Variants in COL21A1 observed in about 807,000 individuals in gnomAD.
COL21A1 encodes collagen type XXI alpha 1 chain.
COL21A1 carries 149 observed loss-of-function variants against 137.9 expected under a neutral mutation model. The ratio of observed to expected loss-of-function variants is 1.08; its 90% CI spans 0.95 to 1.24. The LOEUF is 1.24. Ranked by LOEUF, COL21A1 falls within the 50% of genes most tolerant of loss-of-function variation. The pLI, the probability that COL21A1 is intolerant of heterozygous loss-of-function variation, is 0.00. For missense variants in COL21A1, 1,167 were observed against 1,158.4 expected (o/e 1.01, Z -0.11); for synonymous variants, 456 against 391.5 (o/e 1.16, Z -1.95).
intron 1 of COL21A1, among the ~76,000 whole-genome samples, chr6:56,207,276 A>AATAG (rs1779856906): frequency 6.6e-6 from 1 of 151,616 alleles, no homozygotes; most frequent in East Asian, 1.9e-4. Flanking sequence ...AGATCCACAA[A>AATAG]ATAGACAGCT....
chr6:56,100,954 G>C (rs1350090778), intron 17 of COL21A1, among the ~76,000 whole-genome samples: 3 of 152,144 alleles, frequency 2.0e-5, no homozygotes, highest in Non-Finnish European at 4.4e-5. Context: ...AGATCTGCTG[G>C]TATTTAAATG....
chr6:56,068,949 T>A (rs1766497261), intron 22 of COL21A1, 97 bp downstream of exon 22: 16 of 752,538 alleles, frequency 2.1e-5, no homozygotes, highest in Non-Finnish European at 3.6e-5. Context: ...ATTAAAAATA[T>A]ATTAATAACA....
chr6:56,182,688 T>C, intron 1 of COL21A1, 32 bp from the exon 2 acceptor site: 5 of 941,326 alleles, frequency 5.3e-6, no homozygotes, highest in South Asian at 4.4e-5. Flanking sequence ...GTTAAATATA[T>C]TAATTAAAGT....
intron 1 of COL21A1, among the ~76,000 whole-genome samples, chr6:56,195,510 G>GA (rs538987210): frequency 3.9e-4 from 58 of 150,594 alleles, no homozygotes; most frequent in African/African-American, 1.1e-3. Flanking sequence ...AGAATACTAA[G>GA]AAAAAAAAGA....
At chr6:56,285,670 T>C (rs1763893996) in intron 1 of COL21A1, among the ~76,000 whole-genome samples, 1 of 152,180 alleles carries the variant, frequency 6.6e-6, no homozygotes, top group African/African-American at 2.4e-5. Flanking sequence ...AATGTAATAC[T>C]TAACTGAAAA....
At chr6:56,342,137 T>C (rs931704019) in intron 1 of COL21A1, among the ~76,000 whole-genome samples, 1 of 152,178 alleles carries the variant, frequency 6.6e-6, no homozygotes, top group African/African-American at 2.4e-5. Context: ...ACATTGTAAT[T>C]TGTGGTTCTA....
chr6:56,391,185 A>G (rs1345392011), intron 1 of COL21A1, among the ~76,000 whole-genome samples: 1 of 152,168 alleles, frequency 6.6e-6, no homozygotes, highest in African/African-American at 2.4e-5. Flanking sequence ...AACTATACCA[A>G]CACATGGAAA....
chr6:56,204,059 C>A (rs932420305), intron 1 of COL21A1, among the ~76,000 whole-genome samples: 2 of 152,142 alleles, frequency 1.3e-5, no homozygotes. Flanking sequence ...GCAGATACCC[C>A]ACTAGCTGTG....
chr6:56,244,569 C>T (rs1402294254), intron 1 of COL21A1, among the ~76,000 whole-genome samples: 3 of 152,200 alleles, frequency 2.0e-5, no homozygotes, highest in African/African-American at 7.2e-5. Context: ...ATTTTAATAA[C>T]ATTAAATTAT....
intron 1 of COL21A1, among the ~76,000 whole-genome samples, chr6:56,377,962 C>T (rs549943499): frequency 4.6e-5 from 7 of 152,268 alleles, no homozygotes; most frequent in Non-Finnish European, 8.8e-5. Context: ...CCTAGATACA[C>T]ACTGGGCCAG....
At chr6:56,311,155 T>C (rs1323970873) in intron 1 of COL21A1, among the ~76,000 whole-genome samples, 1 of 152,234 alleles carries the variant, frequency 6.6e-6, no homozygotes, top group Non-Finnish European at 1.5e-5. Context: ...TTCTACAGAA[T>C]ACAATGACCC....
Position 56,384,627 on chromosome 6 carries a change from T to C in COL21A1, c.-39+9344A>G, listed in dbSNP as rs1368601527. Among the ~76,000 whole-genome samples, 3 of 152,212 alleles carry C rather than the reference T, an allele frequency of 2.0e-5. No individual in the cohort carries two copies. In the East Asian group the frequency reaches 5.8e-4, roughly 29 times the overall value. ...GAAAGAGTAATATTTTCTTAAGTAT[T>C]CTGGCCCACAAACAACAGATTCTGT... On this transcript the variant is annotated intron_variant, in intron 1 of 28. Transcript: ENST00000370819.
chr6:56,278,464 A>C (rs1156456887), intron 1 of COL21A1, among the ~76,000 whole-genome samples: 1 of 152,086 alleles, frequency 6.6e-6, no homozygotes, highest in African/African-American at 2.4e-5. Context: ...TGGCCTGTGG[A>C]GGGGCCTATA....
rs573046860 is a variant in COL21A1 at position 56,306,139 on chromosome 6, C to G, written c.-39+87832G>C. 2.7e-3 allele frequency among the ~76,000 whole-genome samples: 283 copies of G among 103,900 alleles called. 1 individual carries two copies. The highest frequency in any genetic ancestry group is 4.0e-3 in the Middle Eastern group (1 of 250). The allele number at this position is 103,900 out of a possible 152,430, so 68.2% of individuals were successfully genotyped here. A position where few individuals can be genotyped will look rare whatever the true frequency, so the allele number is the denominator to read the frequency against. ...GGGCTTCCTTTTGTGGGTAACCCAACCTTTCTCTTTGGCTGCCCTTAACAT... is the reference window on the plus strand; with the variant it reads ...GGGCTTCCTTTTGTGGGTAACCCAAGCTTTCTCTTTGGCTGCCCTTAACAT... On this transcript the variant is annotated intron_variant, in intron 1 of 28. Coordinates refer to the COL21A1 transcript ENST00000370819.
rs754413577 is a variant in COL21A1 at position 56,179,594 on chromosome 6, C to T, written c.624G>A (p.Lys208=). ...AAGGCTTACCTTCACAAAGTTTCTG[C>T]TTCATCACTTCCCTTATTTTGGATA... ...IAISKIREVM[K]QKLCEESVCP... is the part of the protein sequence containing the mutation. Residue 208 remains lysine (K), a synonymous_variant, in exon 3 of 30, where the codon AAG becomes AAA. Transcript: ENST00000244728. 21 of 1,604,500 alleles carry T rather than the reference C, an allele frequency of 1.3e-5. No homozygotes were observed. Among genetic ancestry groups the T allele is most frequent in the Non-Finnish European group, 1.8e-5 (21 of 1,173,190 alleles).
intron 1 of COL21A1, among the ~76,000 whole-genome samples, chr6:56,315,438 A>T (rs1482451840): frequency 1.3e-5 from 2 of 152,220 alleles, no homozygotes; most frequent in African/African-American, 2.4e-5. Context: ...AGAATTAGTC[A>T]TTTAATTGCA....
Position 56,330,394 on chromosome 6 carries a change from T to A in COL21A1, c.-39+63577A>T, listed in dbSNP as rs1765190512. 3.3e-5 allele frequency among the ~76,000 whole-genome samples: 5 copies of A among 152,104 alleles called. No homozygotes were observed. In the South Asian group the frequency reaches 1.0e-3, roughly 31 times the overall value. On this transcript the variant is annotated intron_variant, in intron 1 of 28. Transcript: ENST00000370819. ...GTTCTTTAATTATGTAAATCATCAA[T>A]AAAAATATTCAGATAGCAATTACTC...
At chr6:56,124,331 A>G (rs748963447) in intron 14 of COL21A1, 39 bp from the exon 15 acceptor site, 135 of 1,559,064 alleles carry the variant, frequency 8.7e-5, no homozygotes, top group Non-Finnish European at 1.1e-4. Flanking sequence ...AATCTTTACA[A>G]TAATGTTTTC....
chr6:56,201,408 G>A (rs940683267), intron 1 of COL21A1, among the ~76,000 whole-genome samples: 17 of 152,102 alleles, frequency 1.1e-4, no homozygotes, highest in African/African-American at 4.1e-4. Context: ...GTATTGCCTA[G>A]GTTTTCTTCT....
Sources: gnomAD v4.1 joint callset for allele counts (sites outside exome capture counted in the v4.1 genomes callset) on GRCh38, gnomAD v4.1.1 for gene constraint, MANE v1.5 for transcripts, NCBI Gene and HGNC (gene_info 2026-07-23, HGNC 2026-07-21) for gene names.